CNTNAP2: variants seen among roughly 807,000 people sequenced by gnomAD.
CNTNAP2 encodes contactin-associated protein-like 2.
A neutral mutation model predicts 155.2 loss-of-function variants in CNTNAP2; 98 were observed. The ratio of observed to expected loss-of-function variants is 0.63; its 90% CI spans 0.54 to 0.75. The LOEUF (loss-of-function observed/expected upper bound fraction) is 0.75. Ranked by LOEUF, CNTNAP2 falls within the 30% of genes least tolerant of loss-of-function variation. The pLI is 0.00. For missense variants in CNTNAP2, 1,727 were observed against 1,688.1 expected (o/e 1.02, Z -0.40); for synonymous variants, 651 against 631.2 (o/e 1.03, Z -0.47).
intron 1 of CNTNAP2, among the ~76,000 whole-genome samples, chr7:146,405,204 C>A (rs1478718967): frequency 6.6e-6 from 1 of 152,128 alleles, no homozygotes; most frequent in Non-Finnish European, 1.5e-5. Context: ...TACCTGCAGC[C>A]CTGTCCTGAT....
chr7:147,451,626 C>T (rs995736160), intron 10 of CNTNAP2, among the ~76,000 whole-genome samples: 4 of 152,048 alleles, frequency 2.6e-5, no homozygotes, highest in Non-Finnish European at 5.9e-5. Context: ...CCTGTGGTTT[C>T]TGACGCCACA....
chr7:147,525,249 T>C (rs966921408), intron 11 of CNTNAP2, among the ~76,000 whole-genome samples: 3 of 152,222 alleles, frequency 2.0e-5, no homozygotes, highest in Non-Finnish European at 2.9e-5. Flanking sequence ...ACAGAGCATA[T>C]GCTGTCTTAG....
chr7:147,825,047 C>T (rs150567442), intron 13 of CNTNAP2, among the ~76,000 whole-genome samples: 1 of 152,268 alleles, frequency 6.6e-6, no homozygotes, highest in Non-Finnish European at 1.5e-5. Context: ...AGGTAAAATG[C>T]TGCTTAAATA....
intron 3 of CNTNAP2, among the ~76,000 whole-genome samples, chr7:146,925,074 A>G (rs1235361485): frequency 1.3e-5 from 2 of 152,142 alleles, no homozygotes; most frequent in African/African-American, 2.4e-5. Flanking sequence ...GTTCTAGTAG[A>G]AGTACATAGT....
chr7:146,142,378 A>G (rs1475669431), intron 1 of CNTNAP2, among the ~76,000 whole-genome samples: 3 of 152,222 alleles, frequency 2.0e-5, no homozygotes, highest in Non-Finnish European at 4.4e-5. Flanking sequence ...TCAGTGAGGC[A>G]TCTTTGTGCA....
At chr7:146,257,823 C>T (rs1006879569) in intron 1 of CNTNAP2, among the ~76,000 whole-genome samples, 7 of 151,960 alleles carry the variant, frequency 4.6e-5, no homozygotes, top group African/African-American at 1.7e-4. Flanking sequence ...AGGAAATGGA[C>T]AAATATTCCA....
At chr7:147,382,814 A>C (rs1190729073) in intron 9 of CNTNAP2, among the ~76,000 whole-genome samples, 1 of 152,180 alleles carries the variant, frequency 6.6e-6, no homozygotes, top group African/African-American at 2.4e-5. Context: ...TGATTGTCAG[A>C]AAAGTAGAAG....
intron 1 of CNTNAP2, among the ~76,000 whole-genome samples, chr7:146,149,812 A>C (rs550230491): frequency 6.6e-6 from 1 of 151,668 alleles, no homozygotes; most frequent in Admixed American, 6.6e-5. Flanking sequence ...AAAATATAGA[A>C]GAATATTTCC....
intron 3 of CNTNAP2, among the ~76,000 whole-genome samples, chr7:147,026,927 A>G (rs1205962307): frequency 1.4e-4 from 21 of 150,388 alleles, no homozygotes; most frequent in African/African-American, 5.1e-4. Context: ...AAAAAAAAAA[A>G]AGTCCTTAAA....
chr7:148,387,703 T>TCTGGGAAG (rs1799245059), intron 22 of CNTNAP2, among the ~76,000 whole-genome samples: 1 of 152,132 alleles, frequency 6.6e-6, no homozygotes, highest in African/African-American at 2.4e-5. Flanking sequence ...TGCTTCTCAA[T>TCTGGGAAG]CTGGGAAGCA....
chr7:147,792,660 C>G (rs191207829), intron 13 of CNTNAP2, among the ~76,000 whole-genome samples: 158 of 152,178 alleles, frequency 1.0e-3, no homozygotes, highest in Non-Finnish European at 1.8e-3. Context: ...GCTTCTATGA[C>G]CATTCATCTA....
intron 1 of CNTNAP2, among the ~76,000 whole-genome samples, chr7:146,239,036 G>A (rs750935674): frequency 9.9e-5 from 15 of 152,152 alleles, no homozygotes; most frequent in Admixed American, 2.0e-4. Context: ...TATATCACAT[G>A]CTAAAGCAGC....
intron 4 of CNTNAP2, among the ~76,000 whole-genome samples, chr7:147,090,646 ATTG>A (rs1368923885): frequency 3.3e-5 from 5 of 152,140 alleles, no homozygotes; most frequent in African/African-American, 4.8e-5. Context: ...ATAATTATAA[ATTG>A]TTGTGTTAGA....
intron 9 of CNTNAP2, among the ~76,000 whole-genome samples, chr7:147,342,619 T>C (rs1795784184): frequency 6.6e-6 from 1 of 152,190 alleles, no homozygotes. Context: ...GTGAAACCCG[T>C]AGCAATTTCA....
chr7:146,761,322 GA>G (rs1563220002), intron 1 of CNTNAP2, among the ~76,000 whole-genome samples: 1 of 143,434 alleles, frequency 7.0e-6, no homozygotes, highest in Non-Finnish European at 1.6e-5. Context: ...AGGAAGGAAG[GA>G]AGGAAGGAAG....
chr7:146,871,905 T>C (rs530064856), intron 3 of CNTNAP2, among the ~76,000 whole-genome samples: 8 of 152,240 alleles, frequency 5.3e-5, no homozygotes, highest in Non-Finnish European at 8.8e-5. Context: ...GTTTTACAAC[T>C]TGATACATCA....
At chr7:147,935,202 C>T (rs1428357968) in intron 14 of CNTNAP2, among the ~76,000 whole-genome samples, 1 of 151,866 alleles carries the variant, frequency 6.6e-6, no homozygotes, top group African/African-American at 2.4e-5. Context: ...TCTCGGCTCA[C>T]TGCAATCTGT....
rs555981471 is a variant in CNTNAP2, at chr7:147,102,282, G to GAAAAAAAAAAAAAA, written c.551-5863_551-5850dup. ...GTCGCTAAATGTAGGTAGGCAAAAA[G>GAAAAAAAAAAAAAA]AAAAAAAAAAAAAAAGAAGCTCAAG... is the stretch of plus-strand genomic sequence containing the variant. On this transcript the variant is annotated intron_variant, in intron 4 of 23. Coordinates refer to ENST00000361727, the MANE Select transcript of CNTNAP2 (RefSeq NM_014141.6). Among the ~76,000 whole-genome samples, 114 of 110,584 alleles carry GAAAAAAAAAAAAAA rather than the reference G, an allele frequency of 1.0e-3. 1 individual carries two copies. Among genetic ancestry groups the GAAAAAAAAAAAAAA allele is most frequent in the African/African-American group, 3.5e-3 (98 of 28,232 alleles). The allele number at this position is 110,584 out of a possible 152,430, so 72.5% of individuals were successfully genotyped here.
chr7:147,761,964 G>A (rs1797308614), intron 13 of CNTNAP2, among the ~76,000 whole-genome samples: 1 of 152,074 alleles, frequency 6.6e-6, no homozygotes, highest in South Asian at 2.1e-4. Flanking sequence ...GTCAGTCTTA[G>A]TATATTAATA....
Sources: allele counts gnomAD v4.1 joint callset (sites outside exome capture counted in the v4.1 genomes callset), GRCh38; gene constraint gnomAD v4.1.1; transcripts MANE v1.5; gene names NCBI Gene and HGNC (gene_info 2026-07-23, HGNC 2026-07-21).